SPOCK3: variants seen among roughly 807,000 people sequenced by gnomAD.
SPOCK3 encodes the protein SPARC (osteonectin), cwcv and kazal like domains proteoglycan 3, also known as testican-3.
A neutral mutation model predicts 56.6 loss-of-function variants in SPOCK3; 30 were observed. That is an observed-to-expected ratio of 0.53 (90% CI 0.40 to 0.72). The LOEUF (loss-of-function observed/expected upper bound fraction) is 0.72, where lower values mean the gene tolerates loss of function less well. SPOCK3 is among the 30% of genes least tolerant of loss of function. SPOCK3 has a pLI of 0.00. For synonymous variants in SPOCK3, 196 were observed against 183.3 expected (o/e 1.07, Z -0.56); for missense variants, 527 against 530.0 (o/e 0.99, Z 0.06).
At chr4:166,748,885 A>C (rs1200793506) in intron 8 of SPOCK3, among the ~76,000 whole-genome samples, 1 of 137,874 alleles carries the variant, frequency 7.3e-6, no homozygotes, top group Non-Finnish European at 1.5e-5. Context: ...ACACAGAAAA[A>C]ATGCTCATCA....
At chr4:166,744,344 G>A (rs1249761669) in intron 8 of SPOCK3, among the ~76,000 whole-genome samples, 2 of 152,154 alleles carry the variant, frequency 1.3e-5, no homozygotes, top group Non-Finnish European at 2.9e-5. Context: ...GGCAAACAGG[G>A]TCTGGAGTGG....
At chr4:167,116,659 T>TATATAC (rs1473404816) in intron 2 of SPOCK3, among the ~76,000 whole-genome samples, 5 of 60,264 alleles carry the variant, frequency 8.3e-5, no homozygotes, top group Non-Finnish European at 1.4e-4. Context: ...TACACATATA[T>TATATAC]ACGTATATAG....
In SPOCK3 at chr4:167,197,522, T is replaced by G. The variant is rs373899491; in HGVS notation, c.189+36463A>C. On this transcript the variant is annotated intron_variant, in intron 2 of 10. Coordinates refer to ENST00000357545, the MANE Select transcript of SPOCK3 (RefSeq NM_001040159.2). ...GTGTGAGAAATCTATAGTTCATTAA[T>G]TCTAAATTTGTACATAAATGCTCAA... Among the ~76,000 whole-genome samples, 93 of 152,184 alleles carry G rather than the reference T, an allele frequency of 6.1e-4. 4 individuals are homozygous for G. The South Asian group carries it at 8.1e-3, about 13-fold the overall frequency.
intron 6 of SPOCK3, among the ~76,000 whole-genome samples, chr4:166,805,642 T>G (rs1174420549): frequency 6.6e-6 from 1 of 152,094 alleles, no homozygotes; most frequent in Non-Finnish European, 1.5e-5. Flanking sequence ...TGCTTTTACT[T>G]CTGCATAATA....
chr4:166,996,757 G>T (rs1420731681), intron 4 of SPOCK3, among the ~76,000 whole-genome samples: 1 of 152,008 alleles, frequency 6.6e-6, no homozygotes, highest in East Asian at 1.9e-4. Flanking sequence ...CACATATTTG[G>T]ATGGTTTACA....
At chr4:166,797,229 C>CTT (rs1207947486) in intron 6 of SPOCK3, among the ~76,000 whole-genome samples, 1 of 126,878 alleles carries the variant, frequency 7.9e-6, no homozygotes, top group Admixed American at 7.9e-5. Context: ...GGATTTCCAC[C>CTT]TTTCTTTTTT....
intron 7 of SPOCK3, among the ~76,000 whole-genome samples, chr4:166,763,665 G>A (rs1313146730): frequency 6.6e-6 from 1 of 151,928 alleles, no homozygotes; most frequent in Non-Finnish European, 1.5e-5. Flanking sequence ...GGGGTAGGGA[G>A]GGTAGTGTAC....
At chr4:166,909,485 G>T (rs1737016759) in intron 5 of SPOCK3, among the ~76,000 whole-genome samples, 1 of 151,862 alleles carries the variant, frequency 6.6e-6, no homozygotes, top group Non-Finnish European at 1.5e-5. Flanking sequence ...AACATTGTGG[G>T]TCTAAAATAG....
At chr4:166,979,964 C>A (rs749724108) in intron 4 of SPOCK3, among the ~76,000 whole-genome samples, 2 of 152,168 alleles carry the variant, frequency 1.3e-5, no homozygotes, top group Admixed American at 6.5e-5. Flanking sequence ...AAACATGTCA[C>A]ATTCTTTTCT....
chr4:167,038,424 C>T (rs563704072), intron 3 of SPOCK3, among the ~76,000 whole-genome samples: 1 of 152,198 alleles, frequency 6.6e-6, no homozygotes, highest in African/African-American at 2.4e-5. Flanking sequence ...TGATTATCTA[C>T]AAATTTATGT....
At chr4:167,163,658 T>G (rs1289326111) in intron 2 of SPOCK3, among the ~76,000 whole-genome samples, 5 of 152,056 alleles carry the variant, frequency 3.3e-5, no homozygotes, top group East Asian at 1.9e-4. Flanking sequence ...AATTTTAAGC[T>G]CCTACAAATA....
chr4:167,014,440 G>A (rs1199372518), intron 3 of SPOCK3, among the ~76,000 whole-genome samples: 1 of 151,936 alleles, frequency 6.6e-6, no homozygotes, highest in Non-Finnish European at 1.5e-5. Flanking sequence ...GAGGCCTGGA[G>A]CTCAAGACTA....
At chr4:167,205,914 A>G (rs1227713298) in intron 2 of SPOCK3, among the ~76,000 whole-genome samples, 1 of 151,856 alleles carries the variant, frequency 6.6e-6, no homozygotes, top group East Asian at 1.9e-4. Flanking sequence ...CAGCCCCAAA[A>G]TAATTTTTAA....
intron 7 of SPOCK3, among the ~76,000 whole-genome samples, chr4:166,780,689 G>A (rs528742432): frequency 1.3e-5 from 2 of 152,060 alleles, no homozygotes; most frequent in African/African-American, 4.8e-5. Context: ...TTCCACTAAG[G>A]GGGCAATAGG....
At chr4:167,010,807 G>T (rs1224649176) in intron 3 of SPOCK3, among the ~76,000 whole-genome samples, 2 of 150,682 alleles carry the variant, frequency 1.3e-5, no homozygotes, top group Non-Finnish European at 2.9e-5. Context: ...ATAGAAAAAT[G>T]ATTAATTTCC....
intron 2 of SPOCK3, among the ~76,000 whole-genome samples, chr4:167,112,674 CTA>C (rs1229994847): frequency 1.3e-5 from 2 of 151,964 alleles, no homozygotes; most frequent in Non-Finnish European, 2.9e-5. Context: ...TCAAATAGTT[CTA>C]TGTCAGGTGA....
Position 167,108,978 on chromosome 4 carries a change from TTATAA to T in SPOCK3, c.190-46446_190-46442del, listed in dbSNP as rs1443816377. Among the ~76,000 whole-genome samples, 71 of 44,840 alleles carry T rather than the reference TTATAA, an allele frequency of 1.6e-3. 3 individuals are homozygous for T. Among genetic ancestry groups the T allele is most frequent in the African/African-American group, 7.6e-3 (62 of 8,184 alleles). 29.4% of individuals were successfully genotyped at this position (44,840 alleles called of 152,430 possible). On this transcript the variant is annotated intron_variant, in intron 2 of 10. Transcript: ENST00000357545. ...TATTATATATATAAATATATAAATA[TTATAA>T]ATATATATTTATATATATATAAATA...
chr4:166,953,251 A>T (rs939987422), intron 4 of SPOCK3, among the ~76,000 whole-genome samples: 3 of 152,120 alleles, frequency 2.0e-5, no homozygotes, highest in African/African-American at 2.4e-5. Flanking sequence ...AAAAACAAAC[A>T]ACCCCATCAA....
intron 2 of SPOCK3, among the ~76,000 whole-genome samples, chr4:167,099,337 T>C (rs1381989301): frequency 6.6e-6 from 1 of 151,994 alleles, no homozygotes; most frequent in African/African-American, 2.4e-5. Context: ...ATATAATTCC[T>C]GATTTCCTAC....
Sources: gnomAD v4.1 joint callset for allele counts (sites outside exome capture counted in the v4.1 genomes callset) on GRCh38, gnomAD v4.1.1 for gene constraint, MANE v1.5 for transcripts, NCBI Gene and HGNC (gene_info 2026-07-23, HGNC 2026-07-21) for gene names.